CADM2: variants seen among roughly 807,000 people sequenced by gnomAD.
CADM2 encodes the protein cell adhesion molecule 2, also known as immunoglobulin superfamily member 4D.
CADM2 carries 12 observed loss-of-function variants against 49.8 expected under a neutral mutation model. The observed-to-expected ratio is 0.24, with a 90% CI of 0.15 to 0.39. CADM2 has a LOEUF of 0.39. CADM2 is among the 10% of genes least tolerant of loss of function. The probability of loss-of-function intolerance (pLI) is 1.00; values close to 1 mark genes in which losing one functional copy is unlikely to be tolerated. For missense variants in CADM2, 378 were observed against 492.3 expected (o/e 0.77, Z 2.20); for synonymous variants, 214 against 175.4 (o/e 1.22, Z -1.74).
chr3:85,287,133 G>A (rs188859109), intron 1 of CADM2, among the ~76,000 whole-genome samples: 137 of 152,134 alleles, frequency 9.0e-4, no homozygotes, highest in African/African-American at 3.2e-3. Flanking sequence ...TGAATTGGTG[G>A]CAACCTCTTG....
At chr3:85,576,204 ATTTTC>A (rs1204821243) in intron 1 of CADM2, among the ~76,000 whole-genome samples, 7 of 152,192 alleles carry the variant, frequency 4.6e-5, no homozygotes, top group Admixed American at 1.3e-4. Context: ...ATAAAAAGTT[ATTTTC>A]TTAGAGAAAA....
At chr3:84,990,473 C>T (rs2032825060) in intron 1 of CADM2, among the ~76,000 whole-genome samples, 1 of 151,444 alleles carries the variant, frequency 6.6e-6, no homozygotes, top group Non-Finnish European at 1.5e-5. Flanking sequence ...GGTTTCTTTC[C>T]TGCATTAAAA....
At chr3:85,961,032 T>C (rs1341770126) in intron 7 of CADM2, among the ~76,000 whole-genome samples, 1 of 147,256 alleles carries the variant, frequency 6.8e-6, no homozygotes, top group African/African-American at 2.5e-5. Flanking sequence ...TTTATACTCA[T>C]ATTTTATATA....
chr3:85,454,917 G>C (rs1045097467), intron 1 of CADM2, among the ~76,000 whole-genome samples: 1 of 152,156 alleles, frequency 6.6e-6, no homozygotes, highest in Admixed American at 6.6e-5. Context: ...CTCATGAATC[G>C]CTTCATTGAT....
intron 7 of CADM2, among the ~76,000 whole-genome samples, chr3:85,944,399 A>G (rs977122058): frequency 1.3e-5 from 2 of 152,134 alleles, no homozygotes; most frequent in Non-Finnish European, 2.9e-5. Context: ...CAGGAATTGA[A>G]TTCAGCTCTG....
chr3:85,033,317 G>A (rs1208765274), intron 1 of CADM2, among the ~76,000 whole-genome samples: 1 of 152,080 alleles, frequency 6.6e-6, no homozygotes, highest in Non-Finnish European at 1.5e-5. Context: ...TCACTGAATG[G>A]GAATTTAAAG....
chr3:85,448,595 G>C (rs992129893), intron 1 of CADM2, among the ~76,000 whole-genome samples: 5 of 151,946 alleles, frequency 3.3e-5, no homozygotes, highest in Non-Finnish European at 7.4e-5. Flanking sequence ...TTTTGCACAT[G>C]GGGTTGTGTG....
chr3:84,979,843 T>C (rs1233256839), intron 1 of CADM2, among the ~76,000 whole-genome samples: 1 of 152,136 alleles, frequency 6.6e-6, no homozygotes, highest in African/African-American at 2.4e-5. Context: ...TTTCCATCTT[T>C]CTTGGAATAA....
Position 85,135,053 on chromosome 3 carries a change from A to T in CADM2, c.61+175385A>T, listed in dbSNP as rs146432837. 4.7e-3 allele frequency among the ~76,000 whole-genome samples: 717 copies of T among 152,094 alleles called. 6 individuals are homozygous for T. The highest frequency in any genetic ancestry group is 0.017 in the African/African-American group (695 of 41,562). On this transcript the variant is annotated intron_variant, in intron 1 of 9. Transcript: ENST00000383699. ...TTTAACAAAAAAAGCAATGTCTCTGATAAAAATTATTTTTATTCATAAGTA... is the reference window on the plus strand; with the variant it reads ...TTTAACAAAAAAAGCAATGTCTCTGTTAAAAATTATTTTTATTCATAAGTA...
intron 7 of CADM2, among the ~76,000 whole-genome samples, chr3:85,951,875 A>G (rs1297967156): frequency 1.3e-5 from 2 of 150,986 alleles, no homozygotes; most frequent in East Asian, 2.0e-4. Context: ...AATTAACTAG[A>G]TAATAATGGA....
At chr3:85,678,390 G>T (rs1418241278) in intron 1 of CADM2, among the ~76,000 whole-genome samples, 1 of 152,106 alleles carries the variant, frequency 6.6e-6, no homozygotes, top group Non-Finnish European at 1.5e-5. Context: ...AGAATCCTAG[G>T]CTATATCCAG....
At chr3:85,001,497 A>C (rs766740913) in intron 1 of CADM2, among the ~76,000 whole-genome samples, 25 of 152,078 alleles carry the variant, frequency 1.6e-4, no homozygotes, top group Non-Finnish European at 3.5e-4. Flanking sequence ...TTTTTTCAAC[A>C]AAATCTTTTT....
intron 1 of CADM2, among the ~76,000 whole-genome samples, chr3:85,677,431 A>C (rs568465912): frequency 7.2e-5 from 11 of 152,200 alleles, no homozygotes; most frequent in Admixed American, 2.0e-4. Context: ...CATCGTATGA[A>C]CATGATTTCA....
chr3:85,394,436 A>G (rs1261182616), intron 1 of CADM2, among the ~76,000 whole-genome samples: 1 of 152,196 alleles, frequency 6.6e-6, no homozygotes, highest in African/African-American at 2.4e-5. Context: ...AAATGTTTGT[A>G]TTATTGGAGC....
intron 8 of CADM2, among the ~76,000 whole-genome samples, chr3:86,045,767 T>C (rs1736593595): frequency 6.6e-6 from 1 of 152,184 alleles, no homozygotes; most frequent in Non-Finnish European, 1.5e-5. Context: ...TAAACACCAT[T>C]CTTCTAATGT....
intron 1 of CADM2, among the ~76,000 whole-genome samples, chr3:85,526,425 A>T (rs1414304368): frequency 6.6e-6 from 1 of 152,158 alleles, no homozygotes; most frequent in Admixed American, 6.5e-5. Flanking sequence ...CTCAAATCCC[A>T]AGCCTCCTTA....
chr3:84,959,440 TCTG>T lies in CADM2; in HGVS notation c.-163_-161del. The T allele has an allele frequency of 1.1e-5, 7 of 613,462 alleles. No homozygotes were observed. Among genetic ancestry groups the T allele is most frequent in the Non-Finnish European group, 1.7e-5 (6 of 351,806 alleles). The allele number at this position is 613,462 out of a possible 1,614,324, so 38.0% of individuals were successfully genotyped here. On this transcript the variant is annotated 5_prime_UTR_variant, in exon 1 of 10. Transcript: ENST00000383699. ...CTGCGGGTGCTTTGCCGCTGCCGCT[TCTG>T]CTGCCGCCGATCCGAGTCCGCGGGT...
chr3:85,525,760 T>G (rs1266065908), intron 1 of CADM2, among the ~76,000 whole-genome samples: 1 of 152,138 alleles, frequency 6.6e-6, no homozygotes, highest in African/African-American at 2.4e-5. Context: ...GATTTGCTAT[T>G]TATGACTCTT....
At chr3:85,540,018 G>C (rs1480545015) in intron 1 of CADM2, among the ~76,000 whole-genome samples, 2 of 152,064 alleles carry the variant, frequency 1.3e-5, no homozygotes, top group African/African-American at 4.8e-5. Context: ...GAGTAAAAGA[G>C]AGACCAGAGC....
Sources: allele counts gnomAD v4.1 joint callset (sites outside exome capture counted in the v4.1 genomes callset), GRCh38; gene constraint gnomAD v4.1.1; transcripts MANE v1.5; gene names NCBI Gene and HGNC (gene_info 2026-07-23, HGNC 2026-07-21).